FOXN3: variants seen among roughly 807,000 people sequenced by gnomAD.
FOXN3 encodes the protein forkhead box protein N3.
FOXN3 carries 7 observed loss-of-function variants against 38.4 expected under a neutral mutation model. The ratio of observed to expected loss-of-function variants is 0.18; its 90% CI spans 0.10 to 0.34. The LOEUF is 0.34. Ranked by LOEUF, FOXN3 falls within the 10% of genes least tolerant of loss-of-function variation. The probability of loss-of-function intolerance (pLI) is 1.00; values close to 1 mark genes in which losing one functional copy is unlikely to be tolerated. For synonymous variants in FOXN3, 230 were observed against 242.2 expected (o/e 0.95, Z 0.47); for missense variants, 456 against 613.4 (o/e 0.74, Z 2.71).
In FOXN3 at chr14:89,377,463, T is replaced by C. The variant is rs140125901; in HGVS notation, c.544-26655A>G. On this transcript the variant is annotated intron_variant, in intron 2 of 5. Coordinates refer to ENST00000557258, the MANE Select transcript of FOXN3 (RefSeq NM_005197.4). ...GGGGTTATAGAAAAGGATGTCTTTG[T>C]TCTGAGCTTCATGCTGAAAAGTTTA... 1.4e-4 allele frequency among the ~76,000 whole-genome samples: 21 copies of C among 152,316 alleles called. No individual in the cohort carries two copies. The East Asian group carries it at 3.7e-3, about 27-fold the overall frequency.
chr14:89,191,368 G>T (rs868261454), intron 4 of FOXN3, among the ~76,000 whole-genome samples: 8 of 152,236 alleles, frequency 5.3e-5, no homozygotes, highest in Middle Eastern at 3.4e-3. Context: ...CTAATAGTGC[G>T]GTGATGCCGC....
At chr14:89,418,985 T>C (rs991626980), upstream of FOXN3, among the ~76,000 whole-genome samples, 14 of 148,870 alleles carry the variant, frequency 9.4e-5, no homozygotes, top group South Asian at 6.4e-4. Context: ...AATCTCTTTA[T>C]ATTAAGTAGA....
At position 89,158,533 on chromosome 14, in the gene FOXN3, T is replaced by C. The variant is rs1243217572; in HGVS notation, c.*3881A>G. ...AGTGAAATATGGGTTTGGTTCATTTTAGTTTCAGATAGATGGCTTCACCAA... is the reference window on the plus strand; with the variant it reads ...AGTGAAATATGGGTTTGGTTCATTTCAGTTTCAGATAGATGGCTTCACCAA... On this transcript the variant is annotated 3_prime_UTR_variant, in exon 6 of 6. Transcript: ENST00000557258. 2 of 152,644 alleles carry C rather than the reference T, an allele frequency of 1.3e-5. No individual in the cohort carries two copies. The highest frequency in any genetic ancestry group is 4.8e-5 in the African/African-American group (2 of 41,450). 9.5% of individuals were successfully genotyped at this position (152,644 alleles called of 1,614,324 possible).
rs148491252 is a variant in FOXN3, at chr14:89,401,419, G to C, written c.543+10515C>G. Among the ~76,000 whole-genome samples, 550 of 152,272 alleles carry C rather than the reference G, an allele frequency of 3.6e-3. 2 individuals are homozygous for C. The highest frequency in any genetic ancestry group is 0.012 in the African/African-American group (512 of 41,538). ...ATGGCGCCATTGGCACTCCAGCCTGGGTGACTCAACAGCAACAACAACAAC... is the reference window on the plus strand; with the variant it reads ...ATGGCGCCATTGGCACTCCAGCCTGCGTGACTCAACAGCAACAACAACAAC... On this transcript the variant is annotated intron_variant, in intron 2 of 5. Transcript: ENST00000557258.
At chr14:89,428,915 C>T (rs1442022101) in intron 1 of FOXN3, among the ~76,000 whole-genome samples, 1 of 152,208 alleles carries the variant, frequency 6.6e-6, no homozygotes, top group African/African-American at 2.4e-5. Flanking sequence ...CCGGAGGCTG[C>T]CCAGGCCAGG....
In FOXN3 at chr14:89,191,129, T is replaced by C. The variant is rs190067217; in HGVS notation, c.746-10323A>G. Among the ~76,000 whole-genome samples, 81 of 152,342 alleles carry C rather than the reference T, an allele frequency of 5.3e-4. No individual in the cohort carries two copies. The East Asian group carries it at 0.012, about 22-fold the overall frequency. ...ATTGCTATAATTCTTAATAGGTTTC[T>C]GAATCCTTACTGATCCACCAGTTGA... On this transcript the variant is annotated intron_variant, in intron 4 of 5. Transcript: ENST00000557258.
intron 1 of FOXN3, among the ~76,000 whole-genome samples, chr14:89,457,473 C>G (rs1892750584): frequency 6.6e-6 from 1 of 152,172 alleles, no homozygotes; most frequent in African/African-American, 2.4e-5. Flanking sequence ...CCACTCTTAC[C>G]GTATGACCTT....
At chr14:89,281,550 T>C (rs1205308383) in intron 3 of FOXN3, among the ~76,000 whole-genome samples, 1 of 152,190 alleles carries the variant, frequency 6.6e-6, no homozygotes, top group Non-Finnish European at 1.5e-5. Flanking sequence ...TTCAATTTTT[T>C]GGCTTAAAAT....
chr14:89,333,725 C>T (rs1189762260), intron 3 of FOXN3, among the ~76,000 whole-genome samples: 4 of 124,186 alleles, frequency 3.2e-5, no homozygotes, highest in African/African-American at 8.7e-5. Context: ...TGCACTCCAG[C>T]CTGGGTGAAC....
intron 4 of FOXN3, among the ~76,000 whole-genome samples, chr14:89,246,632 T>A (rs1329543307): frequency 1.4e-5 from 2 of 146,178 alleles, no homozygotes; most frequent in Non-Finnish European, 3.0e-5. Context: ...CTCTGCCTCC[T>A]GGGTTCAAGC....
chr14:89,214,791 C>G (rs939501437), intron 4 of FOXN3, among the ~76,000 whole-genome samples: 2 of 152,246 alleles, frequency 1.3e-5, no homozygotes, highest in Admixed American at 1.3e-4. Context: ...TGCCTTCTAT[C>G]TAAGCAGAGT....
chr14:89,380,516 A>G (rs1596240324), intron 2 of FOXN3, among the ~76,000 whole-genome samples: 1 of 152,156 alleles, frequency 6.6e-6, no homozygotes. Context: ...ATTTTGCACA[A>G]CTCAGAAAGA....
chr14:89,421,310 T>C (rs1439168232), upstream of FOXN3, among the ~76,000 whole-genome samples: 1 of 148,942 alleles, frequency 6.7e-6, no homozygotes, highest in Non-Finnish European at 1.5e-5. Context: ...CCACCACACC[T>C]GGCTAATTTT....
chr14:89,308,035 T>C (rs1887427901), intron 3 of FOXN3, among the ~76,000 whole-genome samples: 1 of 152,080 alleles, frequency 6.6e-6, no homozygotes, highest in Non-Finnish European at 1.5e-5. Context: ...GAGGCCGAGG[T>C]GGGCGGATCA....
At chr14:89,177,300 C>T (rs1423242473) in intron 5 of FOXN3, among the ~76,000 whole-genome samples, 2 of 152,174 alleles carry the variant, frequency 1.3e-5, no homozygotes, top group Non-Finnish European at 2.9e-5. Context: ...TGTGAGCCAT[C>T]GTGCCCGGCC....
In FOXN3 at chr14:89,231,815, A is replaced by C. The variant is rs1884820143; in HGVS notation, c.745+49135T>G. Among the ~76,000 whole-genome samples the C allele has an allele frequency of 1.3e-5, 2 of 152,244 alleles. 1 individual carries two copies. On this transcript the variant is annotated intron_variant, in intron 4 of 5. Coordinates refer to ENST00000557258, the MANE Select transcript of FOXN3 (RefSeq NM_005197.4). The stretch of plus-strand genomic sequence containing the variant: ...CCATGGTTCAATCCTTCCAAGACCA[A>C]GCAGATGGAAGCAGGTGGTGGCGGG...
chr14:89,573,408 G>A lies in FOXN3; in HGVS notation c.-15+45620C>T, dbSNP rs141901203. The stretch of plus-strand genomic sequence containing the variant: ...AAGTTTATTATCAATAATTTAACAC[G>A]AGAAGAGCCTAGCCCTTAGCAAATA... On this transcript the variant is annotated intron_variant, in intron 1 of 6. Coordinates refer to the FOXN3 transcript ENST00000345097. Among the ~76,000 whole-genome samples the A allele has an allele frequency of 5.3e-5, 8 of 152,236 alleles. No homozygotes were observed. In the East Asian group the frequency reaches 1.2e-3, roughly 22 times the overall value.
intron 1 of FOXN3, among the ~76,000 whole-genome samples, chr14:89,511,153 C>CTTTCTTTCTTTCTTTCTTTCTTTCTT: frequency 4.8e-5 from 1 of 20,644 alleles, no homozygotes; most frequent in African/African-American, 7.8e-5. Flanking sequence ...TTCTTTCTTT[C>CTTTCTTTCTTTCTTTCTTTCTTTCTT]TTTCTTTCTT....
At chr14:89,498,194 TTCTCTC>T (rs747063601) in intron 1 of FOXN3, among the ~76,000 whole-genome samples, 3 of 145,042 alleles carry the variant, frequency 2.1e-5, no homozygotes, top group Non-Finnish European at 3.0e-5. Flanking sequence ...CTCTGGCTGC[TTCTCTC>T]TCTCTCTCTC....
Sources: allele counts gnomAD v4.1 joint callset (sites outside exome capture counted in the v4.1 genomes callset), GRCh38; gene constraint gnomAD v4.1.1; transcripts MANE v1.5; gene names NCBI Gene and HGNC (gene_info 2026-07-23, HGNC 2026-07-21).